Variants in RNF115 observed in about 807,000 individuals in gnomAD.
RNF115 encodes ring finger protein 115, also known as E3 ubiquitin-protein ligase RNF115.
A neutral mutation model predicts 39.2 loss-of-function variants in RNF115; 31 were observed. The ratio of observed to expected loss-of-function variants is 0.79; its 90% CI spans 0.59 to 1.07. RNF115 has a LOEUF of 1.07. Among genes scored for constraint, RNF115 ranks in the 50% least tolerant of loss-of-function variants. RNF115 has a pLI of 0.00. For synonymous variants in RNF115, 124 were observed against 131.0 expected (o/e 0.95, Z 0.37); for missense variants, 384 against 381.7 (o/e 1.01, Z -0.05).
At chr1:145,799,401 G>T (rs1649127121) in intron 1 of RNF115, among the ~76,000 whole-genome samples, 2 of 152,104 alleles carry the variant, frequency 1.3e-5, no homozygotes, top group Admixed American at 6.6e-5. Flanking sequence ...TATCATCTGT[G>T]AACAGAGATA....
chr1:145,816,496 G>A (rs1649998255), intron 1 of RNF115, among the ~76,000 whole-genome samples: 1 of 93,196 alleles, frequency 1.1e-5, no homozygotes, highest in Non-Finnish European at 2.4e-5. Flanking sequence ...CAGCCTACAT[G>A]TGGCTTTAAA....
chr1:145,750,914 G>C (rs1210901918), intron 6 of RNF115, among the ~76,000 whole-genome samples: 8 of 152,202 alleles, frequency 5.3e-5, no homozygotes, highest in Non-Finnish European at 1.0e-4. Context: ...GTAAATTACT[G>C]CCTATAAGAC....
chr1:145,799,761 T>C (rs1187046378), intron 1 of RNF115, among the ~76,000 whole-genome samples: 1 of 152,172 alleles, frequency 6.6e-6, no homozygotes, highest in African/African-American at 2.4e-5. Flanking sequence ...CCTGGCTAAT[T>C]GTGTTTATTT....
chr1:145,781,045 T>C (rs944764688), intron 3 of RNF115, among the ~76,000 whole-genome samples: 7 of 152,046 alleles, frequency 4.6e-5, no homozygotes, highest in African/African-American at 1.7e-4. Context: ...TCAGATTCAC[T>C]CTCCACCGGC....
At chr1:145,787,035 G>A (rs953810861) in intron 2 of RNF115, 122 of 1,275,464 alleles carry the variant, frequency 9.6e-5, no homozygotes, top group Non-Finnish European at 1.1e-4. Flanking sequence ...GTTTTTCCTG[G>A]TTGTGGAAGG....
At chr1:145,808,694 AT>A (rs1553722004) in intron 1 of RNF115, among the ~76,000 whole-genome samples, 3 of 152,002 alleles carry the variant, frequency 2.0e-5, no homozygotes, top group African/African-American at 4.8e-5. Flanking sequence ...CAAATAACTA[AT>A]TTTTTTTCAA....
chr1:145,774,351 T>C (rs12043491), intron 3 of RNF115, among the ~76,000 whole-genome samples: 1 of 152,104 alleles, frequency 6.6e-6, no homozygotes, highest in East Asian at 1.9e-4. Context: ...TTCTTTTTTT[T>C]TCTTTTTTTC....
Position 145,746,929 on chromosome 1 carries a change from A to G in RNF115, c.852T>C (p.Thr284=), listed in dbSNP as rs1553711816. The G allele has an allele frequency of 1.2e-6, 2 of 1,614,088 alleles. No individual in the cohort carries two copies. The highest frequency in any genetic ancestry group is 1.1e-5 in the South Asian group (1 of 91,070). ...GEDSTRQSQS[T]EASASNRFSN... ...TAAATCTGTTGCTTGCAGAGGCCTCAGTGCTCTGGCTTTGCCGAGTAGAGT... is the reference window on the plus strand; with the variant it reads ...TAAATCTGTTGCTTGCAGAGGCCTCGGTGCTCTGGCTTTGCCGAGTAGAGT... Residue 284 remains threonine (T), a synonymous_variant, in exon 9 of 9, where the codon ACT becomes ACC. Coordinates refer to ENST00000582693, the MANE Select transcript of RNF115 (RefSeq NM_014455.4).
At chr1:145,814,696 A>T (rs1649901635) in intron 1 of RNF115, among the ~76,000 whole-genome samples, 1 of 152,048 alleles carries the variant, frequency 6.6e-6, no homozygotes, top group African/African-American at 2.4e-5. Context: ...CAATTTTCAG[A>T]TTTTTTTCTT....
At chr1:145,770,283 A>C (rs1415151754) in intron 4 of RNF115, among the ~76,000 whole-genome samples, 2 of 152,230 alleles carry the variant, frequency 1.3e-5, no homozygotes, top group Admixed American at 1.3e-4. Context: ...AAGTTTAACA[A>C]AGAAACACTA....
rs1553711708 is a variant in RNF115 at position 145,746,134 on chromosome 1, G to A, written c.*732C>T. 6.6e-6 allele frequency: 1 copy of A among 151,630 alleles called. No homozygotes were observed. The highest frequency in any genetic ancestry group is 2.4e-5 in the African/African-American group (1 of 41,268). The allele number at this position is 151,630 out of a possible 1,614,324, so 9.4% of individuals were successfully genotyped here. ...CCAGCTACTCCGGAGGCTGAGGTAG[G>A]AGAATCGCTTGAACTCAGGAGGCAG... On this transcript the variant is annotated 3_prime_UTR_variant, in exon 9 of 9. Coordinates refer to ENST00000582693, the MANE Select transcript of RNF115 (RefSeq NM_014455.4).
intron 1 of RNF115, among the ~76,000 whole-genome samples, chr1:145,789,261 C>A (rs12729321): frequency 0.29 from 44,162 of 151,904 alleles, 7,288 homozygotes; most frequent in Non-Finnish European, 0.37. Context: ...TGCCAACATA[C>A]CTAATTTTTT....
chr1:145,813,663 A>G (rs1373916129), intron 1 of RNF115, among the ~76,000 whole-genome samples: 3 of 152,166 alleles, frequency 2.0e-5, no homozygotes, highest in Non-Finnish European at 2.9e-5. Context: ...TTCCTGTTCT[A>G]AACACTCTCT....
chr1:145,798,763 T>A (rs1291103441), intron 1 of RNF115, among the ~76,000 whole-genome samples: 1 of 152,214 alleles, frequency 6.6e-6, no homozygotes, highest in African/African-American at 2.4e-5. Flanking sequence ...AGAATTCATA[T>A]CTTAACAATA....
intron 6 of RNF115, 52 bp downstream of exon 6, chr1:145,751,386 T>C (rs1553712452): frequency 4.8e-6 from 6 of 1,253,976 alleles, no homozygotes; most frequent in Middle Eastern, 2.6e-4. Flanking sequence ...GCAGGAAGCC[T>C]GTGGAACCAT....
At chr1:145,749,719 A>G (rs1342731681) in intron 7 of RNF115, among the ~76,000 whole-genome samples, 3 of 152,094 alleles carry the variant, frequency 2.0e-5, no homozygotes, top group African/African-American at 7.2e-5. Flanking sequence ...CTCACTTCCA[A>G]TGTTTCACAC....
intron 4 of RNF115, among the ~76,000 whole-genome samples, chr1:145,762,424 T>C (rs192687601): frequency 1.3e-5 from 2 of 152,208 alleles, no homozygotes; most frequent in African/African-American, 4.8e-5. Context: ...GTCTCAGGTA[T>C]GTCTTTATCA....
At position 145,748,034 on chromosome 1, in the gene RNF115, G is replaced by A; in HGVS notation, c.744C>T (p.His248=). The A allele has an allele frequency of 6.2e-7, 1 of 1,613,828 alleles. No individual in the cohort carries two copies. Among genetic ancestry groups the A allele is most frequent in the Non-Finnish European group, 8.5e-7 (1 of 1,179,756 alleles). Residue 248 remains histidine, a synonymous_variant, in exon 8 of 9, where the codon CAC becomes CAT. Transcript: ENST00000582693. ...EEEVRQLPCN[H]FFHSSCIVPW... ...GCACAATACAACTGCTGTGAAAGAAGTGATTGCAAGGTAACTGCCGGACTT... is the reference window on the plus strand; with the variant it reads ...GCACAATACAACTGCTGTGAAAGAAATGATTGCAAGGTAACTGCCGGACTT...
intron 1 of RNF115, among the ~76,000 whole-genome samples, chr1:145,804,024 G>C (rs1649360138): frequency 6.6e-6 from 1 of 152,208 alleles, no homozygotes; most frequent in African/African-American, 2.4e-5. Flanking sequence ...AATATAAAAT[G>C]ATAAATGAGC....
Sources: allele counts gnomAD v4.1 joint callset (sites outside exome capture counted in the v4.1 genomes callset), GRCh38; gene constraint gnomAD v4.1.1; transcripts MANE v1.5; gene names NCBI Gene and HGNC (gene_info 2026-07-23, HGNC 2026-07-21).